GIGYF2: variants seen among roughly 807,000 people sequenced by gnomAD.
GIGYF2 encodes the protein GRB10-interacting GYF protein 2.
A neutral mutation model predicts 208.1 loss-of-function variants in GIGYF2; 25 were observed. The ratio of observed to expected loss-of-function variants is 0.12; its 90% CI spans 0.09 to 0.17. The LOEUF (loss-of-function observed/expected upper bound fraction) is 0.17. GIGYF2 is among the 10% of genes least tolerant of loss of function. The pLI is 1.00. For missense variants in GIGYF2, 1,302 were observed against 1,579.4 expected, an observed-to-expected ratio of 0.82 and a Z score of 2.98; for synonymous variants, 534 against 543.8, an observed-to-expected ratio of 0.98 and a Z score of 0.25.
In GIGYF2 at chr2:232,806,108, A is replaced by G. The variant is rs1245786160; in HGVS notation, c.1640-383A>G. ...CCACTTTCGCTAATCTATGGCAGAA[A>G]ATGAAAATTGGAGAACGTTTTCAGC... On this transcript the variant is annotated intron_variant, in intron 14 of 28. Coordinates refer to ENST00000373563, the MANE Select transcript of GIGYF2 (RefSeq NM_001103146.3). This position sits in a 1 kb window ranked among gnomAD's most constrained non-coding sequence, Gnocchi z 4.0. 6.6e-6 allele frequency among the ~76,000 whole-genome samples: 1 copy of G among 152,216 alleles called. No homozygotes were observed. Among genetic ancestry groups the G allele is most frequent in the Non-Finnish European group, 1.5e-5 (1 of 68,022 alleles).
intron 2 of GIGYF2, among the ~76,000 whole-genome samples, chr2:232,724,348 G>A (rs1697095459): frequency 6.6e-6 from 1 of 151,220 alleles, no homozygotes; most frequent in Admixed American, 6.6e-5. Flanking sequence ...GTGAGCAACT[G>A]TGCTGGCCTC....
intron 3 of GIGYF2, chr2:232,735,993 C>G (rs1697717714): frequency 2.0e-6 from 2 of 982,326 alleles, no homozygotes; most frequent in South Asian, 9.4e-5. Flanking sequence ...GTGTCTTAAA[C>G]TCTTGGTTGT....
intron 8 of GIGYF2, chr2:232,767,080 T>C (rs561799289): frequency 6.6e-6 from 1 of 152,284 alleles, no homozygotes; most frequent in Non-Finnish European, 1.5e-5. Flanking sequence ...AAACATAATT[T>C]TTATAGACTA....
At chr2:232,738,057 C>T (rs1697813880) in intron 3 of GIGYF2, among the ~76,000 whole-genome samples, 2 of 151,836 alleles carry the variant, frequency 1.3e-5, no homozygotes, top group African/African-American at 4.8e-5. Context: ...GCTGAGATTA[C>T]AGGCACCCAC....
chr2:232,775,566 A>C (rs911240821), intron 8 of GIGYF2, among the ~76,000 whole-genome samples: 6 of 152,158 alleles, frequency 3.9e-5, no homozygotes, highest in African/African-American at 1.2e-4. Context: ...AAGGTTGGGA[A>C]GGTTTGCTTC....
chr2:232,750,364 C>G (rs1698293135), intron 5 of GIGYF2, among the ~76,000 whole-genome samples: 1 of 152,144 alleles, frequency 6.6e-6, no homozygotes, highest in Non-Finnish European at 1.5e-5. Context: ...AAAAAAGAAT[C>G]CTGCAATTCA....
Position 232,833,202 on chromosome 2 carries a change from A to G in GIGYF2, c.2766+109A>G, listed in dbSNP as rs1685933229. 5.3e-6 allele frequency: 3 copies of G among 560,768 alleles called. 1 individual carries two copies. Among genetic ancestry groups the G allele is most frequent in the African/African-American group, 2.0e-5 (1 of 50,710 alleles). The allele number at this position is 560,768 out of a possible 1,614,324, so 34.7% of individuals were successfully genotyped here. On this transcript the variant is annotated intron_variant, in intron 22 of 28. Transcript: ENST00000373563. ...ACTGTTCTTTCTTTCTTTTTTTAAT[A>G]TTAAAATATTTTAAATTATTTATTT...
intron 6 of GIGYF2, among the ~76,000 whole-genome samples, chr2:232,759,504 C>T (rs1164323174): frequency 2.0e-5 from 3 of 152,228 alleles, no homozygotes; most frequent in South Asian, 2.1e-4. Context: ...TTGACCCTAA[C>T]GGTGCAGCTA....
chr2:232,706,605 C>G (rs191642130), intron 2 of GIGYF2, among the ~76,000 whole-genome samples: 2 of 152,058 alleles, frequency 1.3e-5, no homozygotes, highest in South Asian at 4.1e-4. Context: ...CGGCGAAACC[C>G]TGTCTCTACT....
At chr2:232,699,670 G>A (rs1054283041) in intron 1 of GIGYF2, among the ~76,000 whole-genome samples, 2 of 152,188 alleles carry the variant, frequency 1.3e-5, no homozygotes, top group African/African-American at 4.8e-5. Context: ...GAGATTTCAG[G>A]ATATTTGAAA....
At chr2:232,760,245 C>G in intron 6 of GIGYF2, 1 of 468,286 alleles carries the variant, frequency 2.1e-6, no homozygotes, top group Non-Finnish European at 3.9e-6. Flanking sequence ...AGGACTGGGT[C>G]TATTGCATTA....
intron 25 of GIGYF2, among the ~76,000 whole-genome samples, chr2:232,845,031 T>G (rs1701954579): frequency 6.6e-6 from 1 of 152,238 alleles, no homozygotes; most frequent in Admixed American, 6.5e-5. Flanking sequence ...TTCTTCAATA[T>G]ACAGTGTTGT....
Position 232,787,134 on chromosome 2 carries a change from A to G in GIGYF2, c.533-16A>G. On this transcript the variant is annotated splice_polypyrimidine_tract_variant and intron_variant, in intron 8 of 28. Coordinates refer to ENST00000373563, the MANE Select transcript of GIGYF2 (RefSeq NM_001103146.3). ...GCAGAGGCTCATGTTTACTTACCAT[A>G]TTATTTTCTTTATAGGGAGACCAAA... The G allele has an allele frequency of 6.3e-7, 1 of 1,594,102 alleles. No homozygotes were observed. Among genetic ancestry groups the G allele is most frequent in the Non-Finnish European group, 8.6e-7 (1 of 1,161,830 alleles).
At position 232,749,495 on chromosome 2, in the gene GIGYF2, ATGTGTG is replaced by A. The variant is rs137927853; in HGVS notation, c.267+425_267+430del. Among the ~76,000 whole-genome samples the A allele has an allele frequency of 4.0e-5, 6 of 151,136 alleles. No individual in the cohort carries two copies. The South Asian group carries it at 1.3e-3, about 32-fold the overall frequency. ...TGCATTCAAAACTCTTCTGTCACCA[ATGTGTG>A]TGTGTGTGTGTCTGTGTGTGTGTGA... On this transcript the variant is annotated intron_variant, in intron 5 of 28. Transcript: ENST00000373563.
At chr2:232,745,079 T>A (rs889023473) in intron 3 of GIGYF2, among the ~76,000 whole-genome samples, 1 of 152,190 alleles carries the variant, frequency 6.6e-6, no homozygotes, top group Non-Finnish European at 1.5e-5. Context: ...AAGCAGTTTC[T>A]TGGAAGGTAC....
rs372326947 is a variant in GIGYF2, at chr2:232,791,330, A to G, written c.1166A>G (p.Gln389Arg). The G allele has an allele frequency of 2.2e-4, 360 of 1,613,996 alleles. 1 individual carries two copies. Among genetic ancestry groups the G allele is most frequent in the Non-Finnish European group, 3.0e-4 (353 of 1,179,958 alleles). Residue 389 changes from glutamine to arginine, a missense_variant, in exon 12 of 29, where the codon CAG (glutamine) becomes CGG (arginine). This residue lies in a region of GIGYF2 where 235 missense variants were observed against 218.8 expected (regional missense o/e 1.07). Transcript: ENST00000373563. ...GGTACTCCTTCAGACCATCAGTCTC[A>G]GGAAGCATCACAGTTTGAGAGGAAA... Reference protein sequence around the residue: ...RPGTPSDHQSQEASQFERKDE... With the variant: ...RPGTPSDHQSREASQFERKDE...
intron 3 of GIGYF2, among the ~76,000 whole-genome samples, chr2:232,746,132 T>C (rs1698140659): frequency 1.3e-5 from 2 of 151,798 alleles, no homozygotes; most frequent in African/African-American, 4.8e-5. Flanking sequence ...TGTCATCTGC[T>C]TTTTGGTGCA....
intron 2 of GIGYF2, among the ~76,000 whole-genome samples, chr2:232,723,001 T>G (rs957850976): frequency 2.0e-5 from 3 of 152,212 alleles, no homozygotes; most frequent in African/African-American, 4.8e-5. Context: ...TATGTAAGTT[T>G]TGTAGAGACA....
chr2:232,776,020 C>CTCATCACT (rs1220646967), intron 8 of GIGYF2, among the ~76,000 whole-genome samples: 1 of 152,102 alleles, frequency 6.6e-6, no homozygotes, highest in East Asian at 1.9e-4. Context: ...GATTAGGATA[C>CTCATCACT]TCATCACTTT....
Sources: allele counts gnomAD v4.1 joint callset (sites outside exome capture counted in the v4.1 genomes callset), GRCh38; gene constraint gnomAD v4.1.1; regional missense constraint gnomAD v4.1.1; non-coding constraint Gnocchi (gnomAD v3.1); transcripts MANE v1.5; gene names NCBI Gene and HGNC (gene_info 2026-07-23, HGNC 2026-07-21).